The following IARS1 variants were observed in gnomAD, a reference collection of about 807,000 sequenced individuals.
IARS1 encodes the protein isoleucyl-tRNA synthetase 1.
IARS1 carries 124 observed loss-of-function variants against 168.2 expected under a neutral mutation model. The observed-to-expected ratio is 0.74, with a 90% CI of 0.64 to 0.86. The LOEUF (loss-of-function observed/expected upper bound fraction) is 0.86, where lower values mean the gene tolerates loss of function less well. Ranked by LOEUF, IARS1 falls within the 40% of genes least tolerant of loss-of-function variation. The pLI is 0.00. For missense variants in IARS1, 1,452 were observed against 1,515.8 expected (o/e 0.96, Z 0.70); for synonymous variants, 532 against 529.4 (o/e 1.00, Z -0.07).
intron 29 of IARS1, among the ~76,000 whole-genome samples, chr9:92,241,308 G>A (rs1239931669): frequency 6.6e-6 from 1 of 151,998 alleles, no homozygotes; most frequent in Non-Finnish European, 1.5e-5. Flanking sequence ...TGAGACCGGA[G>A]CAAATGATTA....
Position 92,242,283 on chromosome 9 carries a change from C to G in IARS1, c.3048G>C (p.Lys1016Asn). 6.2e-7 allele frequency: 1 copy of G among 1,614,024 alleles called. No individual in the cohort carries two copies. Among genetic ancestry groups the G allele is most frequent in the Non-Finnish European group, 8.5e-7 (1 of 1,179,930 alleles). Residue 1016 changes from lysine to asparagine, a missense_variant, in exon 29 of 34, where the codon AAG (lysine) becomes AAC (asparagine). Coordinates refer to ENST00000443024, the MANE Select transcript of IARS1 (RefSeq NM_002161.6). Reference sequence around the variant, plus strand: ...CACTATTCAGATATGTTCCTTCAGACTTTGCTTTATAGTACACTGTGATTT... The same window carrying G: ...CACTATTCAGATATGTTCCTTCAGAGTTTGCTTTATAGTACACTGTGATTT... Reference protein sequence around the residue: ...TDEITVYYKAKSEGTYLNSVI... With the variant: ...TDEITVYYKANSEGTYLNSVI...
intron 33 of IARS1, among the ~76,000 whole-genome samples, chr9:92,219,291 A>G (rs545837277): frequency 1.3e-5 from 2 of 152,282 alleles, no homozygotes; most frequent in South Asian, 2.1e-4. Context: ...AGACTTAAAC[A>G]TTAGACCTAA....
chr9:92,229,003 G>A lies in IARS1; in HGVS notation c.3407C>T (p.Thr1136Ile), dbSNP rs777681563. The change falls in exon 31 of 34, where the codon ACA (threonine) becomes ATA (isoleucine). Residue 1136 changes from threonine to isoleucine, a missense_variant and splice_region_variant. Coordinates refer to ENST00000443024, the MANE Select transcript of IARS1 (RefSeq NM_002161.6). ...NTELAVFHDE[T>I]EIQNQTDLLS... ...GGCTCCTCTCACTTTCCACATACCT[G>A]TTTCATCATGGAAGACAGCCAGCTC... is the stretch of plus-strand genomic sequence containing the variant. The A allele has an allele frequency of 4.3e-6, 7 of 1,613,812 alleles. No individual in the cohort carries two copies. Among genetic ancestry groups the A allele is most frequent in the Middle Eastern group, 1.6e-4 (1 of 6,084 alleles).
chr9:92,247,658 C>T lies in IARS1; in HGVS notation c.2617-107G>A, dbSNP rs2133670145. 1.9e-5 allele frequency: 17 copies of T among 901,658 alleles called. No homozygotes were observed. The South Asian group carries it at 2.3e-4, about 12-fold the overall frequency. The allele number at this position is 901,658 out of a possible 1,614,324, so 55.9% of individuals were successfully genotyped here. ...ATTCCTAACTGCCAGAAAGCAAGAA[C>T]ACTTCAAGTGTCCATCAACTGTGAA... On this transcript the variant is annotated intron_variant, in intron 25 of 33. Coordinates refer to ENST00000443024, the MANE Select transcript of IARS1 (RefSeq NM_002161.6).
chr9:92,242,158 G>GT lies in IARS1; in HGVS notation c.3172dup (p.Thr1058AsnfsTer7). 6.2e-7 allele frequency: 1 copy of GT among 1,613,106 alleles called. No individual in the cohort carries two copies. The highest frequency in any genetic ancestry group is 1.1e-5 in the South Asian group (1 of 90,974). Reference sequence around the variant, plus strand: ...TCAGTGGAACTCAGGACTCACCTGTGTTTTTTCTTGAATAAGGACTTTATC... The same window carrying GT: ...TCAGTGGAACTCAGGACTCACCTGTGTTTTTTTCTTGAATAAGGACTTTATC... On this transcript the variant is annotated frameshift_variant, in exon 29 of 34. Coordinates refer to ENST00000443024, the MANE Select transcript of IARS1 (RefSeq NM_002161.6). LOFTEE classifies it high-confidence loss of function.
intron 31 of IARS1, among the ~76,000 whole-genome samples, chr9:92,228,142 C>T (rs1007577967): frequency 3.3e-5 from 5 of 152,100 alleles, no homozygotes; most frequent in African/African-American, 9.7e-5. Context: ...GAGACCAGCC[C>T]GATGGCCACC....
intron 12 of IARS1, 143 bp downstream of exon 12, chr9:92,270,842 T>C (rs1418947722): frequency 1.4e-5 from 7 of 502,730 alleles, no homozygotes; most frequent in East Asian, 3.0e-5. Flanking sequence ...CTCCTAAAAA[T>C]GAAGTAAGAA....
chr9:92,278,062 CT>C, intron 8 of IARS1, 136 bp downstream of exon 8: 2 of 1,029,672 alleles, frequency 1.9e-6, no homozygotes, highest in Non-Finnish European at 3.0e-6. Context: ...CTGCAAAGTA[CT>C]TAGTATAGTA....
At chr9:92,244,291 T>C (rs954675982) in intron 27 of IARS1, among the ~76,000 whole-genome samples, 1 of 152,202 alleles carries the variant, frequency 6.6e-6, no homozygotes, top group Non-Finnish European at 1.5e-5. Context: ...CGTAGAGTTC[T>C]GTACACATCT....
intron 31 of IARS1, among the ~76,000 whole-genome samples, chr9:92,227,169 G>C (rs1287725961): frequency 7.2e-6 from 1 of 138,710 alleles, no homozygotes; most frequent in Non-Finnish European, 1.5e-5. Context: ...ATTTTTCTTA[G>C]TACAGAACAA....
At chr9:92,239,966 T>C (rs1469514928) in intron 30 of IARS1, among the ~76,000 whole-genome samples, 2 of 152,206 alleles carry the variant, frequency 1.3e-5, no homozygotes, top group Non-Finnish European at 2.9e-5. Context: ...AGAATTTTTG[T>C]TGAGGCTTTC....
intron 17 of IARS1, among the ~76,000 whole-genome samples, chr9:92,262,172 T>C (rs1831623705): frequency 1.3e-5 from 2 of 152,220 alleles, no homozygotes; most frequent in South Asian, 4.1e-4. Context: ...AAGTCACTTT[T>C]TCCTGTCCCT....
chr9:92,244,990 G>T lies in IARS1; in HGVS notation c.2873C>A (p.Thr958Asn), dbSNP rs770431340. 2 of 1,614,098 alleles carry T rather than the reference G, an allele frequency of 1.2e-6. No homozygotes were observed. The highest frequency in any genetic ancestry group is 2.2e-5 in the South Asian group (2 of 91,070). ...MYTFDQATGGTAQFEAHSDAQ... is the reference protein window; with the variant it reads ...MYTFDQATGGNAQFEAHSDAQ... ...ATCTGAGTGTGCTTCAAATTGCGCAGTCCCACCTGTGGCCTGATCAAAGGT... is the reference window on the plus strand; with the variant it reads ...ATCTGAGTGTGCTTCAAATTGCGCATTCCCACCTGTGGCCTGATCAAAGGT... Residue 958 changes from threonine to asparagine, a missense_variant, in exon 27 of 34, where the codon ACT becomes AAT. Physicochemically the swap from Thr to Asn is moderately conservative, Grantham distance 65 (BLOSUM62 0). Coordinates refer to ENST00000443024, the MANE Select transcript of IARS1 (RefSeq NM_002161.6).
intron 27 of IARS1, among the ~76,000 whole-genome samples, 175 bp downstream of exon 27, chr9:92,244,784 A>G (rs1029508074): frequency 6.6e-6 from 1 of 152,222 alleles, no homozygotes; most frequent in Non-Finnish European, 1.5e-5. Context: ...AAACAAATGC[A>G]TATGTTAAGG....
intron 30 of IARS1, among the ~76,000 whole-genome samples, chr9:92,238,003 T>C (rs1587752592): frequency 6.6e-6 from 1 of 152,090 alleles, no homozygotes. Context: ...CCTCCCGGGT[T>C]CAAGCGATTC....
chr9:92,271,137 T>C, intron 11 of IARS1, 61 bp from the exon 12 acceptor site: 1 of 977,090 alleles, frequency 1.0e-6, no homozygotes, highest in Non-Finnish European at 1.5e-6. Context: ...GAACAATATA[T>C]TACTAGAATC....
At chr9:92,227,780 C>T (rs911072436) in intron 31 of IARS1, among the ~76,000 whole-genome samples, 13 of 151,284 alleles carry the variant, frequency 8.6e-5, no homozygotes, top group Admixed American at 3.3e-4. Context: ...GATGGGATGG[C>T]GGCCGGGAAG....
At chr9:92,257,544 G>C (rs1188147638) in intron 19 of IARS1, among the ~76,000 whole-genome samples, 2 of 152,216 alleles carry the variant, frequency 1.3e-5, no homozygotes, top group Non-Finnish European at 2.9e-5. Context: ...ATGCAGGACA[G>C]GTGGCAGGCT....
intron 20 of IARS1, 163 bp downstream of exon 20, chr9:92,256,517 A>C: frequency 3.0e-6 from 2 of 668,328 alleles, no homozygotes; most frequent in East Asian, 3.1e-5. Context: ...TGAAACAAAG[A>C]TATCACGACA....
Sources: allele counts gnomAD v4.1 joint callset (sites outside exome capture counted in the v4.1 genomes callset), GRCh38; gene constraint gnomAD v4.1.1; transcripts MANE v1.5; gene names NCBI Gene and HGNC (gene_info 2026-07-23, HGNC 2026-07-21).